DEPDC1B: variants seen among roughly 807,000 people sequenced by gnomAD.
DEPDC1B encodes DEP domain-containing protein 1B.
In DEPDC1B, 51 loss-of-function variants were observed where a neutral mutation model predicts 66.5. That is an observed-to-expected ratio of 0.77 (90% CI 0.61 to 0.97). DEPDC1B has a LOEUF of 0.97. Among genes scored for constraint, DEPDC1B ranks in the 50% least tolerant of loss-of-function variants. DEPDC1B has a pLI of 0.00. For synonymous variants in DEPDC1B, 226 were observed against 223.6 expected (o/e 1.01, Z -0.10); for missense variants, 552 against 637.1 (o/e 0.87, Z 1.44).
At chr5:60,635,140 C>T in intron 7 of DEPDC1B, among the ~76,000 whole-genome samples, 1 of 151,382 alleles carries the variant, frequency 6.6e-6, no homozygotes, top group South Asian at 2.1e-4. Flanking sequence ...GAACTTTGGA[C>T]TAACATGGGC....
At chr5:60,689,059 T>G in intron 1 of DEPDC1B, 1 of 456,168 alleles carries the variant, frequency 2.2e-6, no homozygotes, top group Non-Finnish European at 4.4e-6. Context: ...CCCTGAGGAA[T>G]GGGGAAAACA....
chr5:60,640,386 T>C (rs943342329), intron 6 of DEPDC1B, among the ~76,000 whole-genome samples: 3 of 152,100 alleles, frequency 2.0e-5, no homozygotes, highest in Admixed American at 2.0e-4. Context: ...TGCAAAAAAA[T>C]TTTAAAGGTT....
intron 10 of DEPDC1B, 132 bp downstream of exon 10, chr5:60,598,943 G>A (rs1187136568): frequency 2.9e-6 from 2 of 693,536 alleles, no homozygotes; most frequent in South Asian, 2.7e-5. Flanking sequence ...CTTCTAGAAT[G>A]TATGAACTAA....
intron 7 of DEPDC1B, among the ~76,000 whole-genome samples, chr5:60,618,315 C>T (rs9668921): frequency 9.2e-5 from 14 of 152,030 alleles, no homozygotes; most frequent in African/African-American, 2.9e-4. Context: ...AATAGAGACA[C>T]AAAAAACCCT....
intron 7 of DEPDC1B, among the ~76,000 whole-genome samples, chr5:60,629,202 T>G (rs989579423): frequency 3.3e-5 from 5 of 152,210 alleles, no homozygotes; most frequent in Non-Finnish European, 7.3e-5. Context: ...TGAAGAGCAT[T>G]CCACTGTGTA....
chr5:60,699,913 G>A (rs1754746411), intron 1 of DEPDC1B, 133 bp downstream of exon 1: 3 of 1,095,740 alleles, frequency 2.7e-6, no homozygotes, highest in Non-Finnish European at 3.9e-6. Flanking sequence ...AGCCCCAGTA[G>A]TCCCAGCTGA....
intron 2 of DEPDC1B, among the ~76,000 whole-genome samples, chr5:60,658,370 T>C (rs78096333): frequency 0.092 from 14,031 of 152,234 alleles, 1,221 homozygotes; most frequent in African/African-American, 0.22. Flanking sequence ...TTAAAGAACC[T>C]TGTTTTGTTA....
chr5:60,667,510 T>C (rs1346767572), intron 2 of DEPDC1B, among the ~76,000 whole-genome samples: 1 of 146,492 alleles, frequency 6.8e-6, no homozygotes, highest in African/African-American at 2.5e-5. Flanking sequence ...ATTTTACATA[T>C]ATACAAAAAA....
chr5:60,601,124 T>TG (rs1752192573), intron 9 of DEPDC1B, among the ~76,000 whole-genome samples: 1 of 152,206 alleles, frequency 6.6e-6, no homozygotes, highest in Non-Finnish European at 1.5e-5. Context: ...TCCCCAGCCA[T>TG]GCTGAACTCT....
At chr5:60,604,348 G>A (rs982552645) in intron 8 of DEPDC1B, among the ~76,000 whole-genome samples, 1 of 147,838 alleles carries the variant, frequency 6.8e-6, no homozygotes, top group East Asian at 2.1e-4. Flanking sequence ...AGCCTCCCGA[G>A]TAGCTGGGAT....
intron 1 of DEPDC1B, among the ~76,000 whole-genome samples, chr5:60,693,947 T>G (rs77988929): frequency 0.035 from 5,309 of 152,218 alleles, 117 homozygotes; most frequent in Non-Finnish European, 0.048. Flanking sequence ...GCATAATACC[T>G]TATGCATTAC....
chr5:60,670,565 T>A (rs1052219097), intron 2 of DEPDC1B, among the ~76,000 whole-genome samples: 2 of 152,068 alleles, frequency 1.3e-5, no homozygotes, highest in African/African-American at 4.8e-5. Flanking sequence ...CCAAACAATC[T>A]TGAAAAAGAA....
intron 7 of DEPDC1B, 29 bp from the exon 8 acceptor site, chr5:60,605,885 T>C: frequency 6.3e-7 from 1 of 1,586,270 alleles, no homozygotes. Context: ...AATGTTATCT[T>C]TCAACACCTA....
intron 1 of DEPDC1B, among the ~76,000 whole-genome samples, chr5:60,696,122 T>C (rs979705810): frequency 2.6e-5 from 4 of 152,222 alleles, no homozygotes; most frequent in African/African-American, 9.7e-5. Context: ...GTGAAGTTCA[T>C]TTCTTTTTGT....
At chr5:60,611,858 T>C (rs1021528839) in intron 7 of DEPDC1B, among the ~76,000 whole-genome samples, 1 of 152,226 alleles carries the variant, frequency 6.6e-6, no homozygotes, top group African/African-American at 2.4e-5. Context: ...AGGGTTAATG[T>C]AGAAGCTGCA....
chr5:60,631,206 T>C (rs1247577489), intron 7 of DEPDC1B, among the ~76,000 whole-genome samples: 2 of 152,128 alleles, frequency 1.3e-5, no homozygotes, highest in African/African-American at 4.8e-5. Context: ...GTGAAAACCT[T>C]CCCATTGAGG....
intron 2 of DEPDC1B, among the ~76,000 whole-genome samples, chr5:60,671,542 G>A (rs575155942): frequency 1.2e-4 from 18 of 152,314 alleles, no homozygotes; most frequent in African/African-American, 4.1e-4. Flanking sequence ...TCAGCCCGGG[G>A]AAATTTTCAG....
rs1754751604 is a variant in DEPDC1B at position 60,700,042 on chromosome 5, TC to T, written c.48+3del. 1 of 1,555,796 alleles carries T rather than the reference TC, an allele frequency of 6.4e-7. No homozygotes were observed. Among genetic ancestry groups the T allele is most frequent in the African/African-American group, 1.4e-5 (1 of 73,272 alleles). ...TCCGCCCAGGCCCCAGCACACTCAC[TC>T]ACCAGCCTGGTAGCTCGGTACGGCC... On this transcript the variant is annotated splice_donor_region_variant and intron_variant, in intron 1 of 10. Coordinates refer to ENST00000265036, the MANE Select transcript of DEPDC1B (RefSeq NM_018369.3).
intron 7 of DEPDC1B, among the ~76,000 whole-genome samples, chr5:60,614,850 G>C (rs930735565): frequency 2.0e-5 from 3 of 152,118 alleles, no homozygotes; most frequent in Admixed American, 2.0e-4. Flanking sequence ...ACATAGCCAG[G>C]CATGGTGGCA....
Sources: allele counts gnomAD v4.1 joint callset (sites outside exome capture counted in the v4.1 genomes callset), GRCh38; gene constraint gnomAD v4.1.1; transcripts MANE v1.5; gene names NCBI Gene and HGNC (gene_info 2026-07-23, HGNC 2026-07-21).